The following FAT3 variants were observed in gnomAD, a reference collection of about 807,000 sequenced individuals.
FAT3 encodes protocadherin Fat 3.
In FAT3, 95 loss-of-function variants were observed where a neutral mutation model predicts 310.2. The ratio of observed to expected loss-of-function variants is 0.31; its 90% CI spans 0.26 to 0.36. The LOEUF is 0.36. FAT3 is among the 10% of genes least tolerant of loss of function. FAT3 has a pLI of 1.00. For synonymous variants in FAT3, 2,314 were observed against 2,192.9 expected (o/e 1.06, Z -1.54); for missense variants, 5,408 against 5,715.6 (o/e 0.95, Z 1.74).
At chr11:92,428,594 A>G (rs1261863826) in intron 2 of FAT3, among the ~76,000 whole-genome samples, 2 of 152,042 alleles carry the variant, frequency 1.3e-5, no homozygotes, top group African/African-American at 4.8e-5. Flanking sequence ...CTTTGTTCTC[A>G]TTGGTTTCAA....
At chr11:92,568,402 GTGAGTACATT>G (rs1432232072) in intron 3 of FAT3, among the ~76,000 whole-genome samples, 1 of 152,084 alleles carries the variant, frequency 6.6e-6, no homozygotes, top group Middle Eastern at 3.2e-3. Context: ...AAGTAGACTA[GTGAGTACATT>G]TTTATATTGT....
chr11:92,776,585 C>T (rs543456280), intron 7 of FAT3, among the ~76,000 whole-genome samples: 1 of 152,268 alleles, frequency 6.6e-6, no homozygotes, highest in East Asian at 1.9e-4. Context: ...TGAATGTACA[C>T]ACTCTTTGAG....
chr11:92,715,529 ATAAT>A (rs1396362121), intron 4 of FAT3, among the ~76,000 whole-genome samples: 7 of 152,156 alleles, frequency 4.6e-5, no homozygotes, highest in African/African-American at 1.7e-4. Flanking sequence ...TCCACAATTG[ATAAT>A]TAACCATAAA....
chr11:92,453,722 G>A (rs796259654), intron 2 of FAT3, among the ~76,000 whole-genome samples: 22 of 152,030 alleles, frequency 1.4e-4, no homozygotes, highest in African/African-American at 5.3e-4. Flanking sequence ...TTATTTTATT[G>A]CCTACCCATC....
At position 92,498,532 on chromosome 11, in the gene FAT3, A is replaced by G. The variant is rs145853318; in HGVS notation, c.3293-26102A>G. 3.7e-4 allele frequency: 57 copies of G among 153,432 alleles called. No individual in the cohort carries two copies. The East Asian group carries it at 0.011, about 28-fold the overall frequency. The allele number at this position is 153,432 out of a possible 1,614,324, so 9.5% of individuals were successfully genotyped here. ...AGTAAAACTGACACAGAACAGACAA[A>G]GCAAATAACCATCTATAGTTTTAAC... On this transcript the variant is annotated intron_variant, in intron 2 of 27. Transcript: ENST00000525166.
At chr11:92,588,304 A>T (rs1191690714) in intron 3 of FAT3, among the ~76,000 whole-genome samples, 1 of 151,860 alleles carries the variant, frequency 6.6e-6, no homozygotes, top group Non-Finnish European at 1.5e-5. Context: ...TGCTTTTTAC[A>T]ATAAGTTGCT....
chr11:92,851,420 C>T (rs1320259035), intron 19 of FAT3, among the ~76,000 whole-genome samples: 1 of 152,080 alleles, frequency 6.6e-6, no homozygotes, highest in African/African-American at 2.4e-5. Flanking sequence ...AAAAGGAAAT[C>T]GAGACCTAGA....
chr11:92,398,103 T>C (rs1189512667), intron 2 of FAT3, among the ~76,000 whole-genome samples: 1 of 152,060 alleles, frequency 6.6e-6, no homozygotes, highest in Admixed American at 6.6e-5. Flanking sequence ...TGCTAGCTTC[T>C]GGTGGTTGCC....
intron 1 of FAT3, among the ~76,000 whole-genome samples, chr11:92,339,968 C>T (rs1183130208): frequency 6.6e-6 from 1 of 151,852 alleles, no homozygotes; most frequent in African/African-American, 2.4e-5. Context: ...AAAAATTAGC[C>T]AGGCGTGGTG....
Position 92,790,005 on chromosome 11 carries a change from T to A in FAT3, c.4398T>A (p.Asp1466Glu). The stretch of plus-strand genomic sequence containing the variant: ...CAGAATTCTCTCAGCCGAATTACGA[T>A]GTGACAATTTCCGAGGATGTGCTTC... Reference protein sequence around the residue: ...NGPEFSQPNYDVTISEDVLPD... With the variant: ...NGPEFSQPNYEVTISEDVLPD... The change falls in exon 8 of 28, where the codon GAT (aspartate) becomes GAA (glutamate). Residue 1466 changes from aspartate to glutamate, a missense_variant. By Grantham distance (45) the Asp-to-Glu change is conservative (BLOSUM62 2). Transcript: ENST00000525166. 1 of 1,613,830 alleles carries A rather than the reference T, an allele frequency of 6.2e-7. No individual in the cohort carries two copies. The highest frequency in any genetic ancestry group is 8.5e-7 in the Non-Finnish European group (1 of 1,179,758).
chr11:92,287,110 T>C (rs1376163303), intron 1 of FAT3, among the ~76,000 whole-genome samples: 1 of 152,164 alleles, frequency 6.6e-6, no homozygotes, highest in African/African-American at 2.4e-5. Context: ...AATGGGTATT[T>C]TAAGTGCTTT....
chr11:92,494,382 T>C (rs560153208), intron 2 of FAT3, among the ~76,000 whole-genome samples: 7 of 152,136 alleles, frequency 4.6e-5, no homozygotes, highest in African/African-American at 1.7e-4. Context: ...ATCATTATTG[T>C]TAATTTTGGA....
At chr11:92,866,658 C>T (rs1732945126) in intron 21 of FAT3, 83 bp from the exon 22 acceptor site, 5 of 1,282,830 alleles carry the variant, frequency 3.9e-6, no homozygotes, top group South Asian at 3.0e-5. Context: ...TTGTGAAGCC[C>T]CCGGGCCGGC....
At chr11:92,229,795 C>CTT (rs375129999) in intron 1 of FAT3, among the ~76,000 whole-genome samples, 12 of 107,912 alleles carry the variant, frequency 1.1e-4, no homozygotes, top group Non-Finnish European at 1.4e-4. Flanking sequence ...GATTTTTTTT[C>CTT]TTTTTTTTTT....
chr11:92,319,074 A>G (rs576096014), intron 1 of FAT3, among the ~76,000 whole-genome samples: 120 of 152,320 alleles, frequency 7.9e-4, no homozygotes, highest in African/African-American at 2.5e-3. Context: ...TACACAATCT[A>G]AACAACAACA....
Position 92,867,226 on chromosome 11 carries a change from A to G in FAT3, c.12127+17A>G, listed in dbSNP as rs2136353452. On this transcript the variant is annotated intron_variant, in intron 22 of 27. Transcript: ENST00000525166. The stretch of plus-strand genomic sequence containing the variant: ...CATCGGGGGGTGAGTGTGGCTACGC[A>G]GTGGGCACTGGCCTGGGGGTTTGAG... 6.5e-7 allele frequency: 1 copy of G among 1,543,674 alleles called. No homozygotes were observed. The highest frequency in any genetic ancestry group is 8.7e-7 in the Non-Finnish European group (1 of 1,149,820).
chr11:92,433,654 T>G (rs886161115), intron 2 of FAT3, among the ~76,000 whole-genome samples: 4 of 152,104 alleles, frequency 2.6e-5, no homozygotes, highest in Non-Finnish European at 5.9e-5. Context: ...CACCGGGAGC[T>G]GCAGACCAGA....
chr11:92,527,614 T>TC (rs1232835153), intron 3 of FAT3, among the ~76,000 whole-genome samples: 1 of 152,200 alleles, frequency 6.6e-6, no homozygotes, highest in Admixed American at 6.5e-5. Context: ...TTCACAGAAC[T>TC]CCAAGTCTGG....
intron 3 of FAT3, among the ~76,000 whole-genome samples, chr11:92,531,790 G>T (rs1053341991): frequency 3.3e-5 from 5 of 151,796 alleles, no homozygotes; most frequent in African/African-American, 1.2e-4. Context: ...TATTGTGAAT[G>T]TAAGTACCAA....
Sources: allele counts gnomAD v4.1 joint callset (sites outside exome capture counted in the v4.1 genomes callset), GRCh38; gene constraint gnomAD v4.1.1; transcripts MANE v1.5; gene names NCBI Gene and HGNC (gene_info 2026-07-23, HGNC 2026-07-21).